PDE4B: variants seen among roughly 807,000 people sequenced by gnomAD.
PDE4B encodes phosphodiesterase 4B.
PDE4B carries 20 observed loss-of-function variants against 82.2 expected under a neutral mutation model. The observed-to-expected ratio is 0.24, with a 90% CI of 0.17 to 0.35. PDE4B has a LOEUF of 0.35. Among genes scored for constraint, PDE4B ranks in the 10% least tolerant of loss-of-function variants. PDE4B has a pLI of 1.00. For synonymous variants in PDE4B, 320 were observed against 318.9 expected (o/e 1.00, Z -0.04); for missense variants, 655 against 907.2 (o/e 0.72, Z 3.57).
intron 1 of PDE4B, among the ~76,000 whole-genome samples, chr1:65,898,271 G>C (rs187141177): frequency 6.6e-6 from 1 of 151,120 alleles, no homozygotes; most frequent in East Asian, 2.0e-4. Flanking sequence ...CTTCCATTTT[G>C]TGGGGTTTCT....
chr1:66,267,946 A>G (rs1336798596), intron 7 of PDE4B, among the ~76,000 whole-genome samples: 1 of 152,242 alleles, frequency 6.6e-6, no homozygotes, highest in Admixed American at 6.5e-5. Context: ...TTAAAGGGGA[A>G]TGAAAAATAA....
chr1:66,092,119 A>T (rs1288147432), intron 3 of PDE4B, among the ~76,000 whole-genome samples: 1 of 152,074 alleles, frequency 6.6e-6, no homozygotes, highest in Non-Finnish European at 1.5e-5. Context: ...TGGAAATCAG[A>T]ATTTAATATG....
At chr1:66,105,491 C>G (rs1645330113) in intron 3 of PDE4B, among the ~76,000 whole-genome samples, 1 of 152,080 alleles carries the variant, frequency 6.6e-6, no homozygotes, top group South Asian at 2.1e-4. Context: ...TCATTGGTAA[C>G]TTGATGGGGA....
chr1:65,861,887 C>A (rs1340925414), intron 1 of PDE4B, among the ~76,000 whole-genome samples: 2 of 152,030 alleles, frequency 1.3e-5, no homozygotes, highest in African/African-American at 4.8e-5. Flanking sequence ...ATGATTTTTG[C>A]ACATTGATTT....
Position 66,217,611 on chromosome 1 carries a change from G to A in PDE4B, c.282-29849G>A, listed in dbSNP as rs547344756. 2.6e-5 allele frequency among the ~76,000 whole-genome samples: 4 copies of A among 152,234 alleles called. No homozygotes were observed. In the East Asian group the frequency reaches 7.7e-4, roughly 29 times the overall value. The stretch of plus-strand genomic sequence containing the variant: ...GAAAATGGATTGGAGGGTGGGGATA[G>A]GGAGAGGCAAATGGAGAATAATTAG... On this transcript the variant is annotated intron_variant, in intron 3 of 16. Coordinates refer to ENST00000341517, the MANE Select transcript of PDE4B (RefSeq NM_002600.4).
chr1:65,799,016 T>C (rs900781570), intron 1 of PDE4B, among the ~76,000 whole-genome samples: 8 of 152,190 alleles, frequency 5.3e-5, no homozygotes, highest in African/African-American at 1.7e-4. Flanking sequence ...ACTTTAACCT[T>C]AGAGAAAGTA....
intron 3 of PDE4B, among the ~76,000 whole-genome samples, chr1:66,132,403 G>T (rs1645967370): frequency 6.6e-6 from 1 of 152,100 alleles, no homozygotes; most frequent in African/African-American, 2.4e-5. Flanking sequence ...AACTTAGTTT[G>T]CAGGGCTATT....
At chr1:66,355,068 C>T (rs1662131489) in intron 8 of PDE4B, 9 of 560,320 alleles carry the variant, frequency 1.6e-5, no homozygotes, top group South Asian at 7.9e-5. Flanking sequence ...TTTAAGTGTA[C>T]TATGCTGTGT....
At chr1:66,225,301 G>A (rs768175542) in intron 3 of PDE4B, among the ~76,000 whole-genome samples, 4 of 152,122 alleles carry the variant, frequency 2.6e-5, no homozygotes, top group Non-Finnish European at 4.4e-5. Context: ...GGTCTGCTAC[G>A]CCCAAATGGA....
intron 12 of PDE4B, 116 bp from the exon 13 acceptor site, chr1:66,365,551 C>T (rs1378678921): frequency 1.8e-6 from 1 of 566,064 alleles, no homozygotes; most frequent in Admixed American, 2.8e-5. Context: ...TGAGATATTA[C>T]ATAAATCAAC....
At chr1:65,950,465 G>A (rs889810626) in intron 3 of PDE4B, among the ~76,000 whole-genome samples, 1 of 152,022 alleles carries the variant, frequency 6.6e-6, no homozygotes, top group Non-Finnish European at 1.5e-5. Flanking sequence ...TTCAGGTTAG[G>A]GATCCTTGTT....
chr1:66,044,589 C>T (rs1465470514), intron 3 of PDE4B, among the ~76,000 whole-genome samples: 1 of 151,636 alleles, frequency 6.6e-6, no homozygotes, highest in Non-Finnish European at 1.5e-5. Context: ...AGAAAAATTT[C>T]TGGACTCACG....
chr1:65,920,110 G>T (rs1438110070), intron 3 of PDE4B, among the ~76,000 whole-genome samples: 1 of 152,214 alleles, frequency 6.6e-6, no homozygotes. Context: ...TATGTGATTA[G>T]TCTTGATTAT....
chr1:65,946,849 T>C (rs1276560869), intron 3 of PDE4B, among the ~76,000 whole-genome samples: 1 of 152,012 alleles, frequency 6.6e-6, no homozygotes, highest in Non-Finnish European at 1.5e-5. Context: ...TCAAGTGTAT[T>C]ATATGTTGCA....
chr1:66,090,000 C>G (rs1052950449), intron 3 of PDE4B, among the ~76,000 whole-genome samples: 3 of 152,010 alleles, frequency 2.0e-5, no homozygotes, highest in Non-Finnish European at 2.9e-5. Context: ...TACCCTTGAT[C>G]TATGTAGATG....
intron 3 of PDE4B, among the ~76,000 whole-genome samples, chr1:66,045,712 A>C (rs1654670395): frequency 6.6e-6 from 1 of 151,076 alleles, no homozygotes; most frequent in Non-Finnish European, 1.5e-5. Flanking sequence ...GATGATTGTG[A>C]AATGATATAG....
intron 3 of PDE4B, among the ~76,000 whole-genome samples, chr1:66,188,458 G>T (rs374869628): frequency 9.9e-5 from 15 of 151,910 alleles, no homozygotes; most frequent in African/African-American, 1.7e-4. Flanking sequence ...CATTATTATT[G>T]TGTGGGAGTC....
intron 3 of PDE4B, among the ~76,000 whole-genome samples, chr1:66,163,871 G>A (rs1646667382): frequency 6.6e-6 from 1 of 152,180 alleles, no homozygotes; most frequent in Admixed American, 6.5e-5. Context: ...AAGTGAAGCT[G>A]CCTGCTTAGG....
intron 3 of PDE4B, among the ~76,000 whole-genome samples, chr1:66,092,928 C>G (rs549640181): frequency 1.3e-4 from 20 of 152,086 alleles, no homozygotes; most frequent in African/African-American, 4.6e-4. Context: ...TTCCTATAGG[C>G]CATGTTGAGC....
Sources: allele counts gnomAD v4.1 joint callset (sites outside exome capture counted in the v4.1 genomes callset), GRCh38; gene constraint gnomAD v4.1.1; transcripts MANE v1.5; gene names NCBI Gene and HGNC (gene_info 2026-07-23, HGNC 2026-07-21).